The following RHPN2 variants were observed in gnomAD, a reference collection of about 807,000 sequenced individuals.
RHPN2 encodes rhophilin Rho GTPase binding protein 2, also known as rhophilin-2.
A neutral mutation model predicts 79.0 loss-of-function variants in RHPN2; 40 were observed. That is an observed-to-expected ratio of 0.51 (90% CI 0.39 to 0.66). The LOEUF is 0.66. RHPN2 is among the 30% of genes least tolerant of loss of function. The pLI is 0.00. For missense variants in RHPN2, 686 were observed against 883.5 expected (o/e 0.78, Z 2.83); for synonymous variants, 285 against 363.5 (o/e 0.78, Z 2.46).
At chr19:33,020,642 G>A (rs1971916459) in intron 4 of RHPN2, among the ~76,000 whole-genome samples, 1 of 152,090 alleles carries the variant, frequency 6.6e-6, no homozygotes, top group Non-Finnish European at 1.5e-5. Flanking sequence ...TGGGATTACA[G>A]GTGTGCACCA....
At chr19:32,995,977 T>G (rs1971697087) in intron 11 of RHPN2, 49 bp downstream of exon 11, 1 of 1,599,786 alleles carries the variant, frequency 6.3e-7, no homozygotes, top group African/African-American at 1.3e-5. Flanking sequence ...GCGTACTCTT[T>G]CCGCGGCACA....
chr19:33,061,243 T>A (rs1972277367), intron 1 of RHPN2, among the ~76,000 whole-genome samples: 1 of 149,720 alleles, frequency 6.7e-6, no homozygotes, highest in Non-Finnish European at 1.5e-5. Context: ...TTTTTTTTTT[T>A]TTTGAGACGG....
intron 4 of RHPN2, among the ~76,000 whole-genome samples, chr19:33,017,101 G>A (rs575523059): frequency 7.9e-5 from 12 of 152,202 alleles, no homozygotes; most frequent in East Asian, 5.8e-4. Flanking sequence ...ATTCTTGGCC[G>A]GATGCAGTGG....
intron 6 of RHPN2, among the ~76,000 whole-genome samples, chr19:33,011,162 T>C (rs10401330): frequency 0.31 from 46,419 of 151,978 alleles, 7,862 homozygotes; most frequent in African/African-American, 0.46. Context: ...GTCCCAGCTA[T>C]TCAGGAGGCT....
At chr19:33,040,259 C>T (rs1289178046) in intron 2 of RHPN2, among the ~76,000 whole-genome samples, 6 of 108,596 alleles carry the variant, frequency 5.5e-5, no homozygotes, top group Admixed American at 1.2e-4. Flanking sequence ...TTTTTTGAGA[C>T]GGAGTCTTGC....
chr19:33,045,542 C>T (rs1042876318), intron 1 of RHPN2, among the ~76,000 whole-genome samples: 1 of 151,814 alleles, frequency 6.6e-6, no homozygotes, highest in Admixed American at 6.6e-5. Flanking sequence ...GGCACAATCT[C>T]GGCTCACTGC....
chr19:33,037,428 A>C (rs1972067470), intron 2 of RHPN2, among the ~76,000 whole-genome samples: 1 of 152,212 alleles, frequency 6.6e-6, no homozygotes, highest in Non-Finnish European at 1.5e-5. Flanking sequence ...CTGAGCCAGC[A>C]GTAGCAACCT....
At chr19:33,052,777 C>T (rs1972199509) in intron 1 of RHPN2, among the ~76,000 whole-genome samples, 1 of 152,114 alleles carries the variant, frequency 6.6e-6, no homozygotes, top group Non-Finnish European at 1.5e-5. Context: ...AGGATCTCTG[C>T]CAGGTGTCAG....
At chr19:32,988,956 A>G (rs1383716023) in intron 14 of RHPN2, among the ~76,000 whole-genome samples, 2 of 152,192 alleles carry the variant, frequency 1.3e-5, no homozygotes, top group African/African-American at 4.8e-5. Flanking sequence ...GACACCTAAG[A>G]GAGTGTCTGG....
chr19:33,026,084 C>T (rs992914411), intron 3 of RHPN2, among the ~76,000 whole-genome samples: 2 of 148,086 alleles, frequency 1.4e-5, no homozygotes, highest in African/African-American at 5.0e-5. Flanking sequence ...GTCCAACTCC[C>T]GGGTTCAAGC....
At chr19:33,055,753 A>C (rs1366064275) in intron 1 of RHPN2, among the ~76,000 whole-genome samples, 2 of 150,824 alleles carry the variant, frequency 1.3e-5, no homozygotes, top group Non-Finnish European at 3.0e-5. Context: ...AAAAAACAAC[A>C]ACAAACAAAA....
At chr19:32,983,459 T>C (rs539998689) in intron 14 of RHPN2, among the ~76,000 whole-genome samples, 22 of 150,092 alleles carry the variant, frequency 1.5e-4, no homozygotes, top group Non-Finnish European at 3.0e-4. Context: ...TGCAGTGAGC[T>C]GAGATAGCGC....
intron 1 of RHPN2, among the ~76,000 whole-genome samples, chr19:33,060,207 C>G (rs1195568686): frequency 6.6e-6 from 1 of 152,148 alleles, no homozygotes; most frequent in Non-Finnish European, 1.5e-5. Flanking sequence ...AATGCAGTGG[C>G]GTGATCTCGG....
At chr19:33,047,513 T>C (rs1321562604) in intron 1 of RHPN2, among the ~76,000 whole-genome samples, 1 of 152,138 alleles carries the variant, frequency 6.6e-6, no homozygotes, top group African/African-American at 2.4e-5. Context: ...CTTTGCCGCT[T>C]ATCTCTAGGT....
chr19:33,013,792 GTCTCCAGATACAGGTT>G (rs967236463), intron 4 of RHPN2, among the ~76,000 whole-genome samples: 1 of 152,150 alleles, frequency 6.6e-6, no homozygotes, highest in African/African-American at 2.4e-5. Context: ...GTCAATAACA[GTCTCCAGATACAGGTT>G]TCCTTTGCCA....
chr19:33,035,621 C>T (rs186648570), intron 2 of RHPN2, among the ~76,000 whole-genome samples: 1 of 152,068 alleles, frequency 6.6e-6, no homozygotes, highest in African/African-American at 2.4e-5. Context: ...CGAAGGACAG[C>T]GACTCCATTT....
rs189907132 is a variant in RHPN2, at chr19:33,013,052, T to C, written c.391-328A>G. Among the ~76,000 whole-genome samples the C allele has an allele frequency of 3.8e-3, 574 of 151,692 alleles. 3 individuals carry two copies. Among genetic ancestry groups the C allele is most frequent in the African/African-American group, 0.013 (534 of 41,308 alleles). On this transcript the variant is annotated intron_variant, in intron 4 of 14. Coordinates refer to ENST00000254260, the MANE Select transcript of RHPN2 (RefSeq NM_033103.5). ...CACAATGTCTGGCTAATTGTTGTAT[T>C]TTTGGTAGAGACAGAGTTTCACCAT...
At chr19:33,006,722 C>A (rs2145234490) in intron 7 of RHPN2, among the ~76,000 whole-genome samples, 1 of 152,348 alleles carries the variant, frequency 6.6e-6, no homozygotes, top group African/African-American at 2.4e-5. Flanking sequence ...CCAAGCCAGG[C>A]TCACCCACAG....
intron 1 of RHPN2, among the ~76,000 whole-genome samples, chr19:33,062,759 C>T (rs557017724): frequency 7.4e-6 from 1 of 135,906 alleles, no homozygotes; most frequent in South Asian, 2.7e-4. Flanking sequence ...CAGAGTGAGA[C>T]TCTGTTTCAT....
Sources: allele counts gnomAD v4.1 joint callset (sites outside exome capture counted in the v4.1 genomes callset), GRCh38; gene constraint gnomAD v4.1.1; transcripts MANE v1.5; gene names NCBI Gene and HGNC (gene_info 2026-07-23, HGNC 2026-07-21).